The following LDB2 variants were observed in gnomAD, a reference collection of about 807,000 sequenced individuals.
LDB2 encodes LIM domain binding 2.
LDB2 carries 12 observed loss-of-function variants against 44.3 expected under a neutral mutation model. The observed-to-expected ratio is 0.27, with a 90% CI of 0.17 to 0.44. LDB2 has a LOEUF of 0.44. LDB2 is among the 20% of genes least tolerant of loss of function. The pLI, the probability that LDB2 is intolerant of heterozygous loss-of-function variation, is 1.00. For synonymous variants in LDB2, 164 were observed against 174.8 expected (o/e 0.94, Z 0.49); for missense variants, 344 against 473.5 (o/e 0.73, Z 2.54).
At chr4:16,720,060 A>G (rs544988743) in intron 2 of LDB2, among the ~76,000 whole-genome samples, 220 of 152,224 alleles carry the variant, frequency 1.4e-3, no homozygotes, top group African/African-American at 4.6e-3. Flanking sequence ...GAGAGACTCA[A>G]TAACTCATTC....
At chr4:16,722,172 C>G (rs766051568) in intron 2 of LDB2, among the ~76,000 whole-genome samples, 1 of 152,114 alleles carries the variant, frequency 6.6e-6, no homozygotes, top group Non-Finnish European at 1.5e-5. Context: ...AAGCTTTCTT[C>G]CATGTATTTT....
intron 1 of LDB2, among the ~76,000 whole-genome samples, chr4:16,769,648 A>G (rs1297453601): frequency 2.0e-5 from 3 of 151,128 alleles, no homozygotes; most frequent in Non-Finnish European, 4.4e-5. Context: ...TAGAGACTGA[A>G]TTTTTCTTCT....
At chr4:16,826,848 G>T (rs995750664) in intron 1 of LDB2, among the ~76,000 whole-genome samples, 14 of 152,128 alleles carry the variant, frequency 9.2e-5, no homozygotes, top group African/African-American at 2.9e-4. Context: ...AATTGAAAAG[G>T]TATATTAAAT....
chr4:16,600,633 T>C (rs1171164985), intron 2 of LDB2, among the ~76,000 whole-genome samples: 2 of 152,192 alleles, frequency 1.3e-5, no homozygotes, highest in Non-Finnish European at 2.9e-5. Context: ...AATTCATAGC[T>C]AATTGAGCTG....
intron 2 of LDB2, among the ~76,000 whole-genome samples, chr4:16,711,503 T>C (rs955301991): frequency 6.6e-6 from 1 of 152,168 alleles, no homozygotes; most frequent in Non-Finnish European, 1.5e-5. Flanking sequence ...AAATTAGACT[T>C]TTTATTAAGG....
chr4:16,590,483 A>T (rs960525926), intron 3 of LDB2, among the ~76,000 whole-genome samples: 6 of 152,164 alleles, frequency 3.9e-5, no homozygotes, highest in Non-Finnish European at 7.3e-5. Context: ...AACACAAAAC[A>T]CCACCACTTA....
chr4:16,576,680 A>G (rs1057250085), intron 5 of LDB2, among the ~76,000 whole-genome samples: 2 of 152,226 alleles, frequency 1.3e-5, no homozygotes, highest in African/African-American at 4.8e-5. Context: ...AATCCTACTG[A>G]AACTATTCCA....
chr4:16,670,929 T>C (rs1208240782), intron 2 of LDB2, among the ~76,000 whole-genome samples: 1 of 152,166 alleles, frequency 6.6e-6, no homozygotes, highest in East Asian at 1.9e-4. Flanking sequence ...ACCCTGCCAC[T>C]GTCACCTGAT....
At chr4:16,727,484 T>A (rs1448439116) in intron 2 of LDB2, among the ~76,000 whole-genome samples, 1 of 152,196 alleles carries the variant, frequency 6.6e-6, no homozygotes, top group African/African-American at 2.4e-5. Context: ...CTCCAGGAAC[T>A]GGGAAGACTC....
At chr4:16,712,669 C>A (rs1756173553) in intron 2 of LDB2, among the ~76,000 whole-genome samples, 1 of 152,138 alleles carries the variant, frequency 6.6e-6, no homozygotes, top group East Asian at 1.9e-4. Flanking sequence ...TGAGATACTA[C>A]TTCATACACA....
chr4:16,618,159 A>G lies in LDB2; in HGVS notation c.236-22284T>C, dbSNP rs1230473475. On this transcript the variant is annotated intron_variant, in intron 2 of 7. Coordinates refer to ENST00000304523, the MANE Select transcript of LDB2 (RefSeq NM_001290.5). ...ACACTACAGTGATCCTCACACTTAG[A>G]CTACACCTGGGGAGGAGCAGGTTAA... Among the ~76,000 whole-genome samples the G allele has an allele frequency of 2.0e-5, 3 of 152,158 alleles. No individual in the cohort carries two copies. In the East Asian group the frequency reaches 5.8e-4, roughly 29 times the overall value.
At chr4:16,547,455 T>C (rs1418185332) in intron 5 of LDB2, among the ~76,000 whole-genome samples, 1 of 152,188 alleles carries the variant, frequency 6.6e-6, no homozygotes. Flanking sequence ...ACTCCTACCT[T>C]TAAGCCCAAA....
chr4:16,551,070 A>ATTAT (rs1475734453), intron 5 of LDB2, among the ~76,000 whole-genome samples: 6 of 152,230 alleles, frequency 3.9e-5, no homozygotes, highest in Non-Finnish European at 7.3e-5. Context: ...AAATTCATAT[A>ATTAT]TTATTTCTGA....
intron 5 of LDB2, among the ~76,000 whole-genome samples, chr4:16,571,501 G>A (rs1053275695): frequency 3.9e-5 from 6 of 151,950 alleles, no homozygotes; most frequent in African/African-American, 1.2e-4. Flanking sequence ...TTCAATCCAG[G>A]TCTTTGATCC....
chr4:16,740,177 G>C (rs1762946677), intron 2 of LDB2, among the ~76,000 whole-genome samples: 1 of 152,088 alleles, frequency 6.6e-6, no homozygotes, highest in Non-Finnish European at 1.5e-5. Context: ...ATATTCCTTG[G>C]TTTTGTCTTT....
chr4:16,650,404 A>C (rs536136024), intron 2 of LDB2, among the ~76,000 whole-genome samples: 158 of 152,224 alleles, frequency 1.0e-3, no homozygotes, highest in Non-Finnish European at 1.9e-3. Flanking sequence ...TCATTCACCC[A>C]GTAAGTATTT....
In LDB2 at chr4:16,818,522, T is replaced by A. The variant is rs143409832; in HGVS notation, c.133-59262A>T. 6.7e-4 allele frequency among the ~76,000 whole-genome samples: 102 copies of A among 152,352 alleles called. No homozygotes were observed. The East Asian group carries it at 0.019, about 29-fold the overall frequency. On this transcript the variant is annotated intron_variant, in intron 1 of 7. Transcript: ENST00000304523. Reference sequence around the variant, plus strand: ...TGAATTTGTTGATCATTTGTTGTTCTTTATTTTCCTTCATTGACTTCTTTT... The same window carrying A: ...TGAATTTGTTGATCATTTGTTGTTCATTATTTTCCTTCATTGACTTCTTTT...
chr4:16,536,207 C>G (rs1318698131), intron 5 of LDB2, among the ~76,000 whole-genome samples: 1 of 152,172 alleles, frequency 6.6e-6, no homozygotes, highest in Non-Finnish European at 1.5e-5. Flanking sequence ...CCATGTAGCT[C>G]ATTTGTGTAG....
chr4:16,553,863 A>T (rs567151529), intron 5 of LDB2, among the ~76,000 whole-genome samples: 32 of 152,254 alleles, frequency 2.1e-4, no homozygotes, highest in Middle Eastern at 6.8e-3. Context: ...TGTGGGATTA[A>T]GTGATTTGCC....
Sources: gnomAD v4.1 joint callset for allele counts (sites outside exome capture counted in the v4.1 genomes callset) on GRCh38, gnomAD v4.1.1 for gene constraint, MANE v1.5 for transcripts, NCBI Gene and HGNC (gene_info 2026-07-23, HGNC 2026-07-21) for gene names.